Variants in TEX36 observed in about 807,000 individuals in gnomAD.
TEX36 encodes testis expressed 36.
Under a neutral mutation model 13.6 loss-of-function variants are expected in TEX36, and 12 were observed. The ratio of observed to expected loss-of-function variants is 0.88; its 90% CI spans 0.56 to 1.43. The LOEUF is 1.43. TEX36 is among the 40% of genes most tolerant of loss of function. TEX36 has a pLI of 0.00. For synonymous variants in TEX36, 93 were observed against 83.0 expected, an observed-to-expected ratio of 1.12 and a Z score of -0.65; for missense variants, 224 against 228.3, an observed-to-expected ratio of 0.98 and a Z score of 0.12.
downstream of TEX36, among the ~76,000 whole-genome samples, chr10:125,620,476 G>T (rs1846416656): frequency 6.6e-6 from 1 of 152,094 alleles, no homozygotes; most frequent in Non-Finnish European, 1.5e-5. Flanking sequence ...ATTCAGTGAA[G>T]ATGTGTTGAG....
intron 1 of TEX36, among the ~76,000 whole-genome samples, chr10:125,673,475 C>T (rs1847263659): frequency 6.6e-6 from 1 of 152,064 alleles, no homozygotes; most frequent in South Asian, 2.1e-4. Context: ...CTTTGGAAGG[C>T]CAAGGTGTGC....
chr10:125,591,952 G>C (rs1846025934), intron 3 of TEX36, among the ~76,000 whole-genome samples: 1 of 152,152 alleles, frequency 6.6e-6, no homozygotes, highest in African/African-American at 2.4e-5. Context: ...TTCACAGAGT[G>C]ACAGTCGTAA....
At chr10:125,654,843 T>C (rs1480952969), downstream of TEX36, among the ~76,000 whole-genome samples, 2 of 152,184 alleles carry the variant, frequency 1.3e-5, no homozygotes, top group East Asian at 3.8e-4. Context: ...CCAGTCTTTT[T>C]CAAAGCCAAT....
intron 3 of TEX36, among the ~76,000 whole-genome samples, chr10:125,579,343 G>A (rs1004247274): frequency 6.6e-6 from 1 of 152,118 alleles, no homozygotes; most frequent in African/African-American, 2.4e-5. Context: ...GTGGGAAGGG[G>A]GGCAAAGCCC....
At chr10:125,579,499 T>C (rs1845860999) in intron 3 of TEX36, among the ~76,000 whole-genome samples, 1 of 152,188 alleles carries the variant, frequency 6.6e-6, no homozygotes, top group African/African-American at 2.4e-5. Flanking sequence ...CAAGATGAGA[T>C]TTTGGGTGGG....
At chr10:125,596,603 A>G (rs1846084099) in intron 3 of TEX36, among the ~76,000 whole-genome samples, 1 of 152,192 alleles carries the variant, frequency 6.6e-6, no homozygotes, top group Non-Finnish European at 1.5e-5. Context: ...GTTGTTTATT[A>G]CCTTATTGTT....
intron 3 of TEX36, among the ~76,000 whole-genome samples, chr10:125,584,076 C>G (rs779566146): frequency 2.0e-5 from 3 of 152,160 alleles, no homozygotes; most frequent in Non-Finnish European, 2.9e-5. Context: ...TGCCACTATG[C>G]AAAAAAGGTC....
chr10:125,630,230 C>T (rs1589762528), intron 3 of TEX36, among the ~76,000 whole-genome samples: 1 of 152,236 alleles, frequency 6.6e-6, no homozygotes, highest in Admixed American at 6.5e-5. Flanking sequence ...TAACAAGTTA[C>T]CCCAGAACTT....
At chr10:125,617,142 G>C (rs1270891049), downstream of TEX36, among the ~76,000 whole-genome samples, 59 of 151,718 alleles carry the variant, frequency 3.9e-4, no homozygotes, top group Non-Finnish European at 7.7e-4. Context: ...TTGCTTGGTA[G>C]ATCTTCCTCC....
chr10:125,662,428 G>A (rs374308236), intron 1 of TEX36, among the ~76,000 whole-genome samples: 2 of 152,142 alleles, frequency 1.3e-5, no homozygotes, highest in African/African-American at 4.8e-5. Context: ...GGGAAGGGGA[G>A]GAACAGAGAA....
chr10:125,640,540 C>T (rs1346335372), intron 3 of TEX36, among the ~76,000 whole-genome samples: 3 of 152,104 alleles, frequency 2.0e-5, no homozygotes, highest in Non-Finnish European at 4.4e-5. Flanking sequence ...ACTTAAATAC[C>T]GCGTGTTAAA....
At chr10:125,620,206 A>G (rs185038046), downstream of TEX36, among the ~76,000 whole-genome samples, 3 of 152,320 alleles carry the variant, frequency 2.0e-5, no homozygotes, top group Admixed American at 2.0e-4. Context: ...CATTCCTTCC[A>G]GAAATGTACA....
At chr10:125,623,677 G>A (rs961788536) in intron 3 of TEX36, among the ~76,000 whole-genome samples, 2 of 152,128 alleles carry the variant, frequency 1.3e-5, no homozygotes. Context: ...GGACTGATGG[G>A]TAGGTCTGAA....
At chr10:125,619,528 G>A (rs1182870265), downstream of TEX36, among the ~76,000 whole-genome samples, 2 of 152,072 alleles carry the variant, frequency 1.3e-5, no homozygotes, top group African/African-American at 4.8e-5. Context: ...TGAAAGCTCA[G>A]ATGGTGAAGT....
At chr10:125,656,924 C>G (rs1846954765) in intron 3 of TEX36, among the ~76,000 whole-genome samples, 1 of 152,110 alleles carries the variant, frequency 6.6e-6, no homozygotes. Context: ...GATTCTTTCT[C>G]TGAAAAGTCT....
chr10:125,612,997 C>A (rs919888916), intron 3 of TEX36, among the ~76,000 whole-genome samples: 1 of 151,958 alleles, frequency 6.6e-6, no homozygotes, highest in African/African-American at 2.4e-5. Context: ...CAAAAGCCTG[C>A]TCTGGTCTCT....
intron 3 of TEX36, among the ~76,000 whole-genome samples, chr10:125,606,106 G>T (rs1261496153): frequency 3.3e-5 from 5 of 152,164 alleles, no homozygotes; most frequent in African/African-American, 1.2e-4. Context: ...TTCTTAGACT[G>T]TTGGGCCGTG....
intron 1 of TEX36, among the ~76,000 whole-genome samples, chr10:125,664,217 A>G (rs935366238): frequency 6.6e-6 from 1 of 152,146 alleles, no homozygotes; most frequent in African/African-American, 2.4e-5. Flanking sequence ...TATGTGTACC[A>G]TATTTCTTTA....
intron 1 of TEX36, among the ~76,000 whole-genome samples, chr10:125,677,202 G>T (rs2133613454): frequency 6.6e-6 from 1 of 152,236 alleles, no homozygotes; most frequent in East Asian, 1.9e-4. Flanking sequence ...TATTGTATCT[G>T]CCTGGGGACT....
Sources: allele counts gnomAD v4.1 joint callset (sites outside exome capture counted in the v4.1 genomes callset), GRCh38; gene constraint gnomAD v4.1.1; transcripts MANE v1.5; gene names NCBI Gene and HGNC (gene_info 2026-07-23, HGNC 2026-07-21).